SLC39A11: variants seen among roughly 807,000 people sequenced by gnomAD.
SLC39A11 encodes zinc transporter ZIP11.
In SLC39A11, 33 loss-of-function variants were observed where a neutral mutation model predicts 36.1. The observed-to-expected ratio is 0.91, with a 90% confidence interval of 0.69 to 1.22. The LOEUF (loss-of-function observed/expected upper bound fraction) is 1.22, where lower values mean the gene tolerates loss of function less well. Ranked by LOEUF, SLC39A11 falls within the 50% of genes most tolerant of loss-of-function variation. The pLI is 0.00. For missense variants in SLC39A11, 432 were observed against 430.3 expected (o/e 1.00, Z -0.03); for synonymous variants, 166 against 170.3 (o/e 0.97, Z 0.20).
At chr17:72,647,742 T>C (rs1195899153) in intron 9 of SLC39A11, 80 bp from the exon 10 acceptor site, 11 of 1,088,922 alleles carry the variant, frequency 1.0e-5, no homozygotes, top group African/African-American at 1.6e-5. Flanking sequence ...TCCTCTGCAA[T>C]GTCCAATTCC....
chr17:73,046,123 C>T (rs59521094), intron 3 of SLC39A11, among the ~76,000 whole-genome samples: 7,572 of 152,230 alleles, frequency 0.05, 386 homozygotes, highest in East Asian at 0.24. Context: ...AGGAGTTTCT[C>T]CCCCTTCACT....
intron 4 of SLC39A11, among the ~76,000 whole-genome samples, chr17:73,000,073 G>A (rs568555464): frequency 1.9e-4 from 29 of 152,194 alleles, no homozygotes; most frequent in African/African-American, 6.5e-4. Context: ...CCCTTTCTGT[G>A]TCTAGGGAAT....
chr17:73,046,106 A>C (rs772046837), intron 3 of SLC39A11, among the ~76,000 whole-genome samples: 7 of 152,310 alleles, frequency 4.6e-5, no homozygotes, highest in Admixed American at 2.6e-4. Flanking sequence ...GCAAAGATCT[A>C]TAAGAGAGGA....
At chr17:72,960,157 C>A (rs911463294) in intron 4 of SLC39A11, among the ~76,000 whole-genome samples, 1 of 152,198 alleles carries the variant, frequency 6.6e-6, no homozygotes, top group African/African-American at 2.4e-5. Flanking sequence ...GAATACTCAG[C>A]AAAATATTTC....
chr17:72,668,316 A>T (rs1259781629), intron 7 of SLC39A11, among the ~76,000 whole-genome samples: 2 of 152,062 alleles, frequency 1.3e-5, no homozygotes, highest in East Asian at 3.9e-4. Flanking sequence ...AAAAAAAAAA[A>T]ATTCCCTAGC....
intron 6 of SLC39A11, among the ~76,000 whole-genome samples, chr17:72,795,097 T>C (rs139550233): frequency 1.3e-5 from 2 of 152,250 alleles, no homozygotes; most frequent in East Asian, 3.9e-4. Flanking sequence ...ATGCCCTGTA[T>C]TAACAATCTA....
At chr17:72,942,575 G>A (rs891536918) in intron 5 of SLC39A11, among the ~76,000 whole-genome samples, 9 of 152,122 alleles carry the variant, frequency 5.9e-5, no homozygotes, top group African/African-American at 2.2e-4. Context: ...AATTTGACTG[G>A]AAATATCAGT....
chr17:72,795,289 T>A (rs2076860835), intron 6 of SLC39A11, among the ~76,000 whole-genome samples: 1 of 152,066 alleles, frequency 6.6e-6, no homozygotes, highest in African/African-American at 2.4e-5. Flanking sequence ...TGAGTGGGGC[T>A]GAAGGATCCA....
chr17:72,670,399 T>G (rs1440019182), intron 7 of SLC39A11, among the ~76,000 whole-genome samples: 1 of 152,062 alleles, frequency 6.6e-6, no homozygotes, highest in African/African-American at 2.4e-5. Context: ...AATATCCTGT[T>G]TCTCCTTAAA....
At chr17:72,884,056 G>C (rs1313396614) in intron 5 of SLC39A11, among the ~76,000 whole-genome samples, 4 of 152,204 alleles carry the variant, frequency 2.6e-5, no homozygotes, top group Non-Finnish European at 5.9e-5. Flanking sequence ...TTGGGAGGCT[G>C]AAGTGGGAGG....
rs192608508 is a variant in SLC39A11 at position 72,931,247 on chromosome 17, G to A, written c.430+16505C>T. Among the ~76,000 whole-genome samples, 91 of 152,302 alleles carry A rather than the reference G, an allele frequency of 6.0e-4. 1 individual carries two copies. Among genetic ancestry groups the A allele is most frequent in the African/African-American group, 2.1e-3 (88 of 41,560 alleles). On this transcript the variant is annotated intron_variant, in intron 5 of 9. Coordinates refer to ENST00000255559, the MANE Select transcript of SLC39A11 (RefSeq NM_139177.4). The stretch of plus-strand genomic sequence containing the variant: ...GAGAGAGCAAGAAAAAAGACAAGAC[G>A]AGATGAAACCAAACAGGAAGAGATG...
At chr17:73,010,035 C>T (rs2090426111) in intron 4 of SLC39A11, among the ~76,000 whole-genome samples, 1 of 152,058 alleles carries the variant, frequency 6.6e-6, no homozygotes, top group Non-Finnish European at 1.5e-5. Context: ...TACTCTTCTC[C>T]CAGATGTTAC....
intron 4 of SLC39A11, among the ~76,000 whole-genome samples, chr17:72,950,500 T>C (rs958905777): frequency 5.9e-5 from 9 of 152,204 alleles, no homozygotes; most frequent in African/African-American, 2.2e-4. Flanking sequence ...CACAGCTCTT[T>C]GTTTGTTTAT....
intron 6 of SLC39A11, among the ~76,000 whole-genome samples, chr17:72,751,663 C>T (rs1229854599): frequency 1.3e-5 from 2 of 152,042 alleles, no homozygotes; most frequent in Non-Finnish European, 2.9e-5. Context: ...CTGCAATCTT[C>T]GCCTCCTGGA....
chr17:72,745,605 C>T (rs1166348794), intron 6 of SLC39A11, among the ~76,000 whole-genome samples: 4 of 152,154 alleles, frequency 2.6e-5, no homozygotes. Context: ...CCACTATTCT[C>T]CGCCCTGTGC....
At chr17:72,670,249 T>C (rs1272958415) in intron 7 of SLC39A11, among the ~76,000 whole-genome samples, 1 of 150,560 alleles carries the variant, frequency 6.6e-6, no homozygotes, top group African/African-American at 2.5e-5. Flanking sequence ...CACACATCTG[T>C]GGTCCCAGTT....
chr17:72,916,672 C>T lies in SLC39A11; in HGVS notation c.430+31080G>A, dbSNP rs2147190296. Among the ~76,000 whole-genome samples the T allele has an allele frequency of 1.3e-5, 2 of 152,268 alleles. 1 individual carries two copies. Among genetic ancestry groups the T allele is most frequent in the Middle Eastern group, 6.8e-3 (2 of 294 alleles). ...CAACAGTCAAAACTGCACCAGTGGC[C>T]AAGTTCGAGAGATACATCCCAGCCT... is the stretch of plus-strand genomic sequence containing the variant. On this transcript the variant is annotated intron_variant, in intron 5 of 9. Coordinates refer to ENST00000255559, the MANE Select transcript of SLC39A11 (RefSeq NM_139177.4).
chr17:72,793,995 G>A (rs1232746385), intron 6 of SLC39A11, among the ~76,000 whole-genome samples: 1 of 152,090 alleles, frequency 6.6e-6, no homozygotes, highest in African/African-American at 2.4e-5. Context: ...AAGCTTGAGG[G>A]ACCCATAGTC....
intron 4 of SLC39A11, among the ~76,000 whole-genome samples, chr17:72,961,443 G>C (rs2086600797): frequency 6.6e-6 from 1 of 152,172 alleles, no homozygotes. Context: ...GCACACGTAT[G>C]TTTATTGCAG....
Sources: gnomAD v4.1 joint callset for allele counts (sites outside exome capture counted in the v4.1 genomes callset) on GRCh38, gnomAD v4.1.1 for gene constraint, MANE v1.5 for transcripts, NCBI Gene and HGNC (gene_info 2026-07-23, HGNC 2026-07-21) for gene names.